Variants in ADGRV1 observed in about 807,000 individuals in gnomAD.
The protein encoded by ADGRV1 is G-protein coupled receptor 98.
A neutral mutation model predicts 596.2 loss-of-function variants in ADGRV1; 359 were observed. The ratio of observed to expected loss-of-function variants is 0.60; its 90% confidence interval spans 0.55 to 0.66. ADGRV1 has a LOEUF of 0.66. Among genes scored for constraint, ADGRV1 ranks in the 30% least tolerant of loss-of-function variants. The pLI, the probability that ADGRV1 is intolerant of heterozygous loss-of-function variation, is 0.00. For synonymous variants in ADGRV1, 2,681 were observed against 2,679.2 expected (o/e 1.00, Z -0.02); for missense variants, 7,274 against 7,575.6 (o/e 0.96, Z 1.48).
At chr5:90,813,122 G>C (rs1378715862) in intron 74 of ADGRV1, among the ~76,000 whole-genome samples, 1 of 31,034 alleles carries the variant, frequency 3.2e-5, no homozygotes, top group African/African-American at 6.9e-5. Flanking sequence ...GACAGAGTAA[G>C]ACTCCGTCTC....
intron 87 of ADGRV1, among the ~76,000 whole-genome samples, chr5:91,134,159 A>G (rs1388256955): frequency 6.6e-6 from 1 of 151,916 alleles, no homozygotes; most frequent in Non-Finnish European, 1.5e-5. Context: ...TCTGGGTCAT[A>G]TGTTTTAAAG....
intron 79 of ADGRV1, chr5:90,850,884 G>A (rs1766417820): frequency 1.3e-5 from 2 of 152,136 alleles, no homozygotes; most frequent in African/African-American, 4.8e-5. Flanking sequence ...CTGGTATGTG[G>A]TGGATTTTCA....
intron 58 of ADGRV1, among the ~76,000 whole-genome samples, chr5:90,761,454 T>C (rs146376063): frequency 0.015 from 2,269 of 152,318 alleles, 47 homozygotes; most frequent in African/African-American, 0.051. Context: ...AAGTTCAGCA[T>C]TTAGTATTCA....
chr5:90,603,139 C>G (rs1008957332), intron 1 of ADGRV1, among the ~76,000 whole-genome samples: 2 of 152,214 alleles, frequency 1.3e-5, no homozygotes, highest in Admixed American at 6.5e-5. Context: ...ACCTGTGCTT[C>G]CCATGCCAGT....
chr5:90,608,105 T>C (rs1208636208), intron 1 of ADGRV1, among the ~76,000 whole-genome samples: 1 of 152,064 alleles, frequency 6.6e-6, no homozygotes. Context: ...ATGAATTAAA[T>C]TCTTGGGAAG....
At chr5:91,144,640 A>G (rs1274675821) in intron 87 of ADGRV1, among the ~76,000 whole-genome samples, 1 of 152,226 alleles carries the variant, frequency 6.6e-6, no homozygotes, top group Non-Finnish European at 1.5e-5. Flanking sequence ...TTTTATGATT[A>G]TAGTAGGAGA....
Position 90,904,495 on chromosome 5 carries a change from G to A in ADGRV1, c.17856+40638G>A, listed in dbSNP as rs546421176. ...TGATATCTCACTGTAGTTTTGATTT[G>A]CATTTCTCTGGTGATCAGTGATATT... On this transcript the variant is annotated intron_variant, in intron 83 of 89. Transcript: ENST00000405460. 6.6e-5 allele frequency among the ~76,000 whole-genome samples: 10 copies of A among 152,164 alleles called. No individual in the cohort carries two copies. The South Asian group carries it at 2.1e-3, about 32-fold the overall frequency.
rs376189948 is a variant in ADGRV1 at position 91,046,892 on chromosome 5, G to A, written c.18153-25555G>A. Among the ~76,000 whole-genome samples the A allele has an allele frequency of 4.4e-4, 67 of 152,234 alleles. 2 individuals are homozygous for A. The East Asian group carries it at 9.2e-3, about 21-fold the overall frequency. On this transcript the variant is annotated intron_variant, in intron 85 of 89. Transcript: ENST00000405460. ...ACAATTCTCAAAAGAAGATATACAAGTGGCCAACAAACATATGAAAAAATG... is the reference window on the plus strand; with the variant it reads ...ACAATTCTCAAAAGAAGATATACAAATGGCCAACAAACATATGAAAAAATG...
At position 90,720,953 on chromosome 5, in the gene ADGRV1, C is replaced by T. The variant is rs778864521; in HGVS notation, c.9642C>T (p.Ile3214=). 6.8e-6 allele frequency: 11 copies of T among 1,610,506 alleles called. No homozygotes were observed. The highest frequency in any genetic ancestry group is 3.3e-5 in the South Asian group (3 of 90,750). Residue 3214 remains isoleucine, a synonymous_variant, in exon 45 of 90, where the codon ATC becomes ATT. Transcript: ENST00000405460. Reference sequence around the variant, plus strand: ...CTTTCAGAGCCACCTCCATAGACATCGAAGAAGCCAATAGGACCGTGTATT... The same window carrying T: ...CTTTCAGAGCCACCTCCATAGACATTGAAGAAGCCAATAGGACCGTGTATT... ...AVENRATSID[I]EEANRTVYLN...
chr5:90,840,583 G>A lies in ADGRV1; in HGVS notation c.16617G>A (p.Leu5539=). ...MMSVNFSTQE[L]RSAETIGRTI... is the part of the protein sequence containing the mutation. ...TGGTGTTGTTTAATTTCTAGGAGTTGAGGAGTGCTGAAACAATTGGTCGTA... is the reference window on the plus strand; with the variant it reads ...TGGTGTTGTTTAATTTCTAGGAGTTAAGGAGTGCTGAAACAATTGGTCGTA... The change falls in exon 78 of 90, where the codon TTG becomes TTA. Residue 5539 remains leucine (L), a synonymous_variant. Transcript: ENST00000405460. 1 of 1,596,638 alleles carries A rather than the reference G, an allele frequency of 6.3e-7. No individual in the cohort carries two copies. The highest frequency in any genetic ancestry group is 8.6e-7 in the Non-Finnish European group (1 of 1,169,110).
At chr5:90,796,255 A>G (rs1159639314) in intron 70 of ADGRV1, among the ~76,000 whole-genome samples, 3 of 152,210 alleles carry the variant, frequency 2.0e-5, no homozygotes, top group East Asian at 1.9e-4. Context: ...ATTGCTAACT[A>G]GAATAACCAG....
chr5:90,923,280 C>G (rs1451170380), intron 83 of ADGRV1, among the ~76,000 whole-genome samples: 6 of 151,972 alleles, frequency 3.9e-5, no homozygotes. Flanking sequence ...AAGGGCTAGC[C>G]TAATGTATAT....
At chr5:90,815,859 T>A in intron 75 of ADGRV1, 123 bp downstream of exon 75, 1 of 620,560 alleles carries the variant, frequency 1.6e-6, no homozygotes. Flanking sequence ...ATTTGGCACG[T>A]CTTCAGATGC....
intron 83 of ADGRV1, among the ~76,000 whole-genome samples, chr5:90,925,617 C>G (rs984042453): frequency 1.3e-5 from 2 of 150,704 alleles, no homozygotes; most frequent in Admixed American, 6.6e-5. Flanking sequence ...ACTGAATACC[C>G]TTTATTTCCT....
At chr5:90,639,607 G>A (rs1766712415) in intron 11 of ADGRV1, among the ~76,000 whole-genome samples, 1 of 152,094 alleles carries the variant, frequency 6.6e-6, no homozygotes. Flanking sequence ...GAAAATTTCA[G>A]AAATTATTGG....
At chr5:90,726,141 A>G (rs1751742024) in intron 48 of ADGRV1, among the ~76,000 whole-genome samples, 2 of 152,224 alleles carry the variant, frequency 1.3e-5, no homozygotes, top group Admixed American at 6.5e-5. Context: ...AGTGAAAGCT[A>G]CCAAAAGGGG....
chr5:90,909,774 G>T lies in ADGRV1; in HGVS notation c.17856+45917G>T, dbSNP rs1772681712. Among the ~76,000 whole-genome samples the T allele has an allele frequency of 2.6e-5, 4 of 152,252 alleles. 1 individual carries two copies. The South Asian group carries it at 8.3e-4, about 32-fold the overall frequency. On this transcript the variant is annotated intron_variant, in intron 83 of 89. Coordinates refer to ENST00000405460, the MANE Select transcript of ADGRV1 (RefSeq NM_032119.4). ...AAAAGTAGGCAAGATGATCCATGGGGTATGGACAGAAATTATTATATTATA... is the reference window on the plus strand; with the variant it reads ...AAAAGTAGGCAAGATGATCCATGGGTTATGGACAGAAATTATTATATTATA...
chr5:90,668,363 A>G (rs916231813), intron 21 of ADGRV1, among the ~76,000 whole-genome samples: 25 of 151,178 alleles, frequency 1.7e-4, no homozygotes, highest in Non-Finnish European at 3.3e-4. Flanking sequence ...GGTGGGAGTG[A>G]CCCGATTTTC....
chr5:91,049,407 C>A (rs530007503), intron 85 of ADGRV1, among the ~76,000 whole-genome samples: 6 of 152,252 alleles, frequency 3.9e-5, no homozygotes, highest in African/African-American at 1.4e-4. Context: ...GTGGACCTTA[C>A]AGTTAGGATA....
Sources: gnomAD v4.1 joint callset for allele counts (sites outside exome capture counted in the v4.1 genomes callset) on GRCh38, gnomAD v4.1.1 for gene constraint, MANE v1.5 for transcripts, NCBI Gene and HGNC (gene_info 2026-07-23, HGNC 2026-07-21) for gene names.